Variants in MARVELD3 observed in about 807,000 individuals in gnomAD.
MARVELD3 encodes the protein MARVEL domain containing 3, also known as MARVEL domain-containing protein 3.
MARVELD3 carries 28 observed loss-of-function variants against 33.5 expected under a neutral mutation model. That is an observed-to-expected ratio of 0.84 (90% confidence interval 0.62 to 1.15). The LOEUF (loss-of-function observed/expected upper bound fraction) is 1.15, where lower values mean the gene tolerates loss of function less well. Among genes scored for constraint, MARVELD3 ranks in the 50% most tolerant of loss-of-function variants. MARVELD3 has a pLI of 0.00. For synonymous variants in MARVELD3, 241 were observed against 230.4 expected, an observed-to-expected ratio of 1.05 and a Z score of -0.42; for missense variants, 582 against 547.6, an observed-to-expected ratio of 1.06 and a Z score of -0.63.
In MARVELD3 at chr16:71,636,239, T is replaced by C; in HGVS notation, c.*1436T>C. ...TGATGTCCTCTTTACAATACATTTA[T>C]AATATTCTCTTAAATACAGACAATT... is the stretch of plus-strand genomic sequence containing the variant. On this transcript the variant is annotated 3_prime_UTR_variant, in exon 3 of 3. Coordinates refer to ENST00000268485, the MANE Select transcript of MARVELD3 (RefSeq NM_052858.6). The C allele has an allele frequency of 5.2e-6, 4 of 775,630 alleles. No homozygotes were observed. The highest frequency in any genetic ancestry group is 6.3e-6 in the Non-Finnish European group (4 of 637,816). 48.0% of individuals were successfully genotyped at this position (775,630 alleles called of 1,614,324 possible).
intron 1 of MARVELD3, among the ~76,000 whole-genome samples, chr16:71,628,687 G>A (rs979179671): frequency 6.6e-6 from 1 of 152,094 alleles, no homozygotes; most frequent in Non-Finnish European, 1.5e-5. Context: ...GCGAGCATGA[G>A]GTTGTGAGTG....
chr16:71,632,189 G>A (rs1027412332), intron 2 of MARVELD3, among the ~76,000 whole-genome samples: 8 of 152,204 alleles, frequency 5.3e-5, no homozygotes, highest in African/African-American at 1.9e-4. Context: ...GTGGTTTGCT[G>A]ACAAGGAAAG....
At position 71,634,205 on chromosome 16, in the gene MARVELD3, T is replaced by A; in HGVS notation, c.608T>A (p.Met203Lys). ...YLCTGRACCQ[M>K]LEVLLNLLIL... is the part of the protein sequence containing the mutation. Reference sequence around the variant, plus strand: ...CCTTTTTTTGCAGCCTGCTGCCAAATGCTGGAGGTTCTCCTGAACTTGCTG... The same window carrying A: ...CCTTTTTTTGCAGCCTGCTGCCAAAAGCTGGAGGTTCTCCTGAACTTGCTG... Residue 203 changes from methionine (M) to lysine (K), a missense_variant, in exon 3 of 3, where the codon ATG (methionine) becomes AAG (lysine). Physicochemically the swap from Met to Lys is moderately conservative, Grantham distance 95. Coordinates refer to ENST00000268485, the MANE Select transcript of MARVELD3 (RefSeq NM_052858.6). The A allele has an allele frequency of 6.2e-7, 1 of 1,601,944 alleles. No homozygotes were observed. The highest frequency in any genetic ancestry group is 8.5e-7 in the Non-Finnish European group (1 of 1,171,036).
intron 2 of MARVELD3, among the ~76,000 whole-genome samples, chr16:71,632,743 C>G (rs1384002341): frequency 1.3e-5 from 2 of 151,830 alleles, no homozygotes; most frequent in Non-Finnish European, 2.9e-5. Flanking sequence ...TCCTGAGGAG[C>G]TGAGATTACA....
At position 71,629,397 on chromosome 16, in the gene MARVELD3, G is replaced by A. The variant is rs200818950; in HGVS notation, c.498G>A (p.Ser166=). The change falls in exon 2 of 3, where the codon TCG becomes TCA. Residue 166 remains serine (S), a synonymous_variant. Transcript: ENST00000268485. ...SEPPSERYLP[S]TPRPGREEVE... ...CCCCTTCGGAGAGATATCTGCCCTC[G>A]ACCCCCAGGCCTGGACGAGAGGAGG... The A allele has an allele frequency of 8.9e-6, 14 of 1,568,660 alleles. No individual in the cohort carries two copies. The highest frequency in any genetic ancestry group is 1.2e-5 in the Non-Finnish European group (14 of 1,162,020).
At chr16:71,630,718 A>T (rs923288204) in intron 2 of MARVELD3, among the ~76,000 whole-genome samples, 1 of 152,024 alleles carries the variant, frequency 6.6e-6, no homozygotes, top group African/African-American at 2.4e-5. Context: ...CATTTTTTAC[A>T]TTAAGACCGA....
chr16:71,626,616 T>G lies in MARVELD3; in HGVS notation c.387T>G (p.Pro129=). 1 of 1,539,578 alleles carries G rather than the reference T, an allele frequency of 6.5e-7. No individual in the cohort carries two copies. ...ARGLTWDAAA[P]PGPAPWEAPE... ...GACTGACCTGGGACGCAGCCGCGCC[T>G]CCTGGGCCCGCGCCCTGGGAAGCCC... Residue 129 remains proline (P), a synonymous_variant, in exon 1 of 3, where the codon CCT becomes CCG. Transcript: ENST00000268485. The surrounding 1 kb of genome is among the most constrained non-coding windows in gnomAD (Gnocchi z 5.3).
rs571476727 is a variant in MARVELD3 at position 71,626,552 on chromosome 16, A to G, written c.323A>G (p.Glu108Gly). The G allele has an allele frequency of 3.3e-4, 517 of 1,548,950 alleles. 10 individuals are homozygous for G. The South Asian group carries it at 5.7e-3, about 17-fold the overall frequency. ...CGCGCAGGTGAACACGGAGTTTGGG[A>G]AAAACCGCGCCAAAGCCGGACGCGG... ...GPRAGEHGVW[E>G]KPRQSRTRDG... The change falls in exon 1 of 3, where the codon GAA becomes GGA. Residue 108 changes from glutamate to glycine, a missense_variant. Physicochemically the swap from Glu to Gly is moderately conservative, Grantham distance 98. Transcript: ENST00000268485. The surrounding 1 kb of genome is among the most constrained non-coding windows in gnomAD (Gnocchi z 5.3).
downstream of MARVELD3, chr16:71,640,671 A>T (rs1419171368): frequency 1.2e-6 from 2 of 1,614,120 alleles, no homozygotes; most frequent in Non-Finnish European, 1.7e-6. Flanking sequence ...CAAGAGTCGA[A>T]CAATGTTGTC....
intron 2 of MARVELD3, among the ~76,000 whole-genome samples, chr16:71,630,097 A>AAG (rs1567604152): frequency 6.8e-6 from 1 of 148,084 alleles, no homozygotes; most frequent in Non-Finnish European, 1.5e-5. Context: ...AAAAAAAAAA[A>AAG]GGGAAAAAGG....
Position 71,635,965 on chromosome 16 carries a change from A to G in MARVELD3, c.*1162A>G, listed in dbSNP as rs2044578758. The G allele has an allele frequency of 8.1e-6, 8 of 985,318 alleles. No homozygotes were observed. The highest frequency in any genetic ancestry group is 9.6e-6 in the Non-Finnish European group (8 of 829,936). The allele number at this position is 985,318 out of a possible 1,614,324, so 61.0% of individuals were successfully genotyped here. Reference sequence around the variant, plus strand: ...CATTGTGTGAAGCATTAAACCCAACATCTAGAATTCAGGATTCATCCAGAA... The same window carrying G: ...CATTGTGTGAAGCATTAAACCCAACGTCTAGAATTCAGGATTCATCCAGAA... On this transcript the variant is annotated 3_prime_UTR_variant, in exon 3 of 3. Transcript: ENST00000268485.
chr16:71,629,316 C>T (rs747617079), intron 1 of MARVELD3, 51 bp from the exon 2 acceptor site: 26 of 1,500,892 alleles, frequency 1.7e-5, no homozygotes, highest in East Asian at 1.1e-4. Flanking sequence ...TAATCCTGAA[C>T]GCTATTGAAT....
rs2145283481 is a variant in MARVELD3 at position 71,635,619 on chromosome 16, A to G, written c.*816A>G. ...AAGACCGTATTGCCAAAATACCAAA[A>G]AAAAAAAAAGTTCATGGAGAGCCAC... On this transcript the variant is annotated 3_prime_UTR_variant, in exon 3 of 3. Coordinates refer to ENST00000268485, the MANE Select transcript of MARVELD3 (RefSeq NM_052858.6). 1 of 984,922 alleles carries G rather than the reference A, an allele frequency of 1.0e-6. No homozygotes were observed. Among genetic ancestry groups the G allele is most frequent in the African/African-American group, 1.7e-5 (1 of 57,308 alleles). The allele number at this position is 984,922 out of a possible 1,614,324, so 61.0% of individuals were successfully genotyped here.
rs1196881843 is a variant in MARVELD3 at position 71,629,353 on chromosome 16, CT to C, written c.468-9del. 2.6e-6 allele frequency: 4 copies of C among 1,530,068 alleles called. No homozygotes were observed. The highest frequency in any genetic ancestry group is 1.4e-5 in the African/African-American group (1 of 69,074). The allele number at this position is 1,530,068 out of a possible 1,614,324, so 94.8% of individuals were successfully genotyped here. On this transcript the variant is annotated splice_polypyrimidine_tract_variant and intron_variant, in intron 1 of 2. Transcript: ENST00000268485. Reference sequence around the variant, plus strand: ...AGACACCCCCTAATGACCATGTATGCTTTTTGGTTATAGTGAACCCCCTTCG... The same window carrying C: ...AGACACCCCCTAATGACCATGTATGCTTTTGGTTATAGTGAACCCCCTTCG...
chr16:71,633,145 C>T (rs561143913), intron 2 of MARVELD3, among the ~76,000 whole-genome samples: 1 of 151,872 alleles, frequency 6.6e-6, no homozygotes, highest in Non-Finnish European at 1.5e-5. Context: ...GGAGGATCGC[C>T]TGAAGCAAGG....
Position 71,626,922 on chromosome 16 carries a change from G to C in MARVELD3, c.467+226G>C. 2 of 455,820 alleles carry C rather than the reference G, an allele frequency of 4.4e-6. No homozygotes were observed. Among genetic ancestry groups the C allele is most frequent in the East Asian group, 3.7e-5 (1 of 27,328 alleles). 28.2% of individuals were successfully genotyped at this position (455,820 alleles called of 1,614,324 possible). On this transcript the variant is annotated intron_variant, in intron 1 of 2. Transcript: ENST00000268485. This position sits in a 1 kb window ranked among gnomAD's most constrained non-coding sequence, Gnocchi z 5.3. ...AACTAACAAAGCAAAAACCACCCCT[G>C]TGAGCAGTGGCTGGGCTGGAGGACC...
intron 2 of MARVELD3, among the ~76,000 whole-genome samples, chr16:71,631,789 C>G (rs770633484): frequency 7.9e-5 from 12 of 151,960 alleles, no homozygotes; most frequent in Non-Finnish European, 7.4e-5. Context: ...GAGACCCTGT[C>G]TGTAAAAAAA....
At chr16:71,629,000 G>C in intron 1 of MARVELD3, 1 of 183,158 alleles carries the variant, frequency 5.5e-6, no homozygotes, top group East Asian at 1.4e-4. Context: ...GGAAGAGAAT[G>C]CCTGCCTGGG....
chr16:71,633,933 C>G (rs936030653), intron 2 of MARVELD3, among the ~76,000 whole-genome samples: 5 of 152,254 alleles, frequency 3.3e-5, no homozygotes, highest in African/African-American at 1.2e-4. Context: ...TCCCATCATC[C>G]TCCTGCCGCT....
Sources: gnomAD v4.1 joint callset for allele counts (sites outside exome capture counted in the v4.1 genomes callset) on GRCh38, gnomAD v4.1.1 for gene constraint, Gnocchi (gnomAD v3.1) non-coding constraint, MANE v1.5 for transcripts, NCBI Gene and HGNC (gene_info 2026-07-23, HGNC 2026-07-21) for gene names.